The following QTMAN variants were observed in gnomAD, a reference collection of about 807,000 sequenced individuals.
The protein encoded by QTMAN is tRNA-queuosine alpha-mannosyltransferase.
chr2:144,323,521 G>A, the QTMAN span, among the ~76,000 whole-genome samples: 1 of 152,116 alleles, frequency 6.6e-6, no homozygotes, highest in Non-Finnish European at 1.5e-5. Context: ...CAGGGCAAAT[G>A]TCAAAGCAGT....
At chr2:143,946,651 A>C in the QTMAN span, 1 of 164,636 alleles carries the variant, frequency 6.1e-6, no homozygotes, top group Admixed American at 6.4e-5. Context: ...CGTGTCGGCG[A>C]AAAGAAAGAA....
At chr2:144,038,863 T>C in the QTMAN span, among the ~76,000 whole-genome samples, 1 of 152,228 alleles carries the variant, frequency 6.6e-6, no homozygotes, top group Admixed American at 6.5e-5. Context: ...TAGTTTATAA[T>C]ATTAAACACA....
the QTMAN span, among the ~76,000 whole-genome samples, chr2:144,279,651 C>T: frequency 6.6e-6 from 1 of 152,178 alleles, no homozygotes; most frequent in Non-Finnish European, 1.5e-5. Context: ...CTGGACCACA[C>T]TAGTTTCAAT....
At chr2:144,090,440 T>G in the QTMAN span, among the ~76,000 whole-genome samples, 1 of 152,054 alleles carries the variant, frequency 6.6e-6, no homozygotes, top group Non-Finnish European at 1.5e-5. Context: ...TATTTTGGCA[T>G]GACATTATTA....
At chr2:144,095,608 C>A in the QTMAN span, among the ~76,000 whole-genome samples, 3 of 152,070 alleles carry the variant, frequency 2.0e-5, no homozygotes, top group South Asian at 6.2e-4. Context: ...AGGTATAATA[C>A]CCAGAGGGAA....
chr2:143,957,305 A>G, the QTMAN span: 1 of 1,607,144 alleles, frequency 6.2e-7, no homozygotes, highest in Admixed American at 1.7e-5. Flanking sequence ...GTAAGACAGA[A>G]GATCCCAATG....
the QTMAN span, among the ~76,000 whole-genome samples, chr2:144,203,587 T>C: frequency 6.6e-6 from 1 of 152,018 alleles, no homozygotes. Context: ...AGAGGAAAAT[T>C]CAAATGAACT....
At chr2:144,309,143 A>G in the QTMAN span, among the ~76,000 whole-genome samples, 3 of 152,358 alleles carry the variant, frequency 2.0e-5, no homozygotes, top group South Asian at 6.2e-4. Context: ...TGGAGCAACT[A>G]GAATTTTTTC....
the QTMAN span, among the ~76,000 whole-genome samples, chr2:144,128,510 G>A: frequency 2.6e-5 from 4 of 151,978 alleles, no homozygotes. Flanking sequence ...CTGAAGAAAT[G>A]GATCTATTTT....
the QTMAN span, among the ~76,000 whole-genome samples, chr2:144,049,136 A>T: frequency 6.6e-6 from 1 of 152,180 alleles, no homozygotes; most frequent in Non-Finnish European, 1.5e-5. Flanking sequence ...TACAATACAA[A>T]GAGAAATAGT....
At chr2:144,054,720 G>A in the QTMAN span, among the ~76,000 whole-genome samples, 1 of 152,094 alleles carries the variant, frequency 6.6e-6, no homozygotes, top group Non-Finnish European at 1.5e-5. Context: ...GCACTGCTCT[G>A]AGGCCAACTG....
the QTMAN span, among the ~76,000 whole-genome samples, chr2:144,103,997 C>A: frequency 6.6e-6 from 1 of 151,984 alleles, no homozygotes; most frequent in Non-Finnish European, 1.5e-5. Context: ...GGCTGAGGCA[C>A]GAGAAATGCT....
At chr2:144,296,249 C>G in the QTMAN span, among the ~76,000 whole-genome samples, 1 of 152,172 alleles carries the variant, frequency 6.6e-6, no homozygotes, top group Non-Finnish European at 1.5e-5. Flanking sequence ...GATGAGTAAA[C>G]TGTCTCTCTT....
At chr2:144,255,663 G>A in the QTMAN span, among the ~76,000 whole-genome samples, 5 of 152,186 alleles carry the variant, frequency 3.3e-5, no homozygotes, top group Admixed American at 2.6e-4. Flanking sequence ...TATACAGACA[G>A]GATCAGTTGT....
the QTMAN span, among the ~76,000 whole-genome samples, chr2:144,072,961 A>G: frequency 5.3e-5 from 8 of 152,104 alleles, no homozygotes; most frequent in African/African-American, 1.9e-4. Context: ...TTATGTTACA[A>G]GTTTTGCTCT....
At chr2:144,219,347 T>G in the QTMAN span, among the ~76,000 whole-genome samples, 2 of 152,082 alleles carry the variant, frequency 1.3e-5, no homozygotes, top group African/African-American at 4.8e-5. Flanking sequence ...GCCAGGCTGG[T>G]CTCGAACTCC....
chr2:144,273,318 G>A, the QTMAN span, among the ~76,000 whole-genome samples: 1 of 152,086 alleles, frequency 6.6e-6, no homozygotes, highest in African/African-American at 2.4e-5. Context: ...TCCTCCCTAA[G>A]ATGTTATTCC....
At chr2:144,209,415 T>C in the QTMAN span, among the ~76,000 whole-genome samples, 1 of 152,212 alleles carries the variant, frequency 6.6e-6, no homozygotes, top group Non-Finnish European at 1.5e-5. Context: ...TAGGAAGCAA[T>C]TTCTTGAGAC....
At chr2:144,042,951 G>A in the QTMAN span, among the ~76,000 whole-genome samples, 5 of 151,978 alleles carry the variant, frequency 3.3e-5, no homozygotes. Context: ...AAAGCCATCT[G>A]TCCACTAAGA....
Sources: allele counts gnomAD v4.1 joint callset (sites outside exome capture counted in the v4.1 genomes callset), GRCh38; gene constraint gnomAD v4.1.1; transcripts MANE v1.5; gene names NCBI Gene and HGNC (gene_info 2026-07-23, HGNC 2026-07-21).